The following CACNA1B variants were observed in gnomAD, a reference collection of about 807,000 sequenced individuals.
CACNA1B encodes calcium voltage-gated channel subunit alpha1 B.
Under a neutral mutation model 247.2 loss-of-function variants are expected in CACNA1B, and 70 were observed. That is an observed-to-expected ratio of 0.28 (90% CI 0.23 to 0.35). The LOEUF (loss-of-function observed/expected upper bound fraction) is 0.35. CACNA1B is among the 10% of genes least tolerant of loss of function. The pLI is 1.00. For synonymous variants in CACNA1B, 1,231 were observed against 1,294.4 expected, an observed-to-expected ratio of 0.95 and a Z score of 1.05; for missense variants, 2,367 against 3,197.4, an observed-to-expected ratio of 0.74 and a Z score of 6.26.
At chr9:138,117,485 G>T (rs146388883) in intron 42 of CACNA1B, among the ~76,000 whole-genome samples, 2,099 of 152,286 alleles carry the variant, frequency 0.014, 56 homozygotes, top group African/African-American at 0.048. Context: ...GCTGGCATAG[G>T]CAGGACTTCT....
At chr9:137,934,486 G>T (rs1299447813) in intron 6 of CACNA1B, among the ~76,000 whole-genome samples, 1 of 152,200 alleles carries the variant, frequency 6.6e-6, no homozygotes, top group African/African-American at 2.4e-5. Flanking sequence ...GGATTGTATC[G>T]TGAACTTTTG....
chr9:137,940,569 GA>G (rs1957722274), intron 6 of CACNA1B, among the ~76,000 whole-genome samples: 1 of 152,174 alleles, frequency 6.6e-6, no homozygotes, highest in African/African-American at 2.4e-5. Context: ...ATCGTTTTAT[GA>G]AGCCAGTATC....
intron 3 of CACNA1B, among the ~76,000 whole-genome samples, chr9:137,908,699 T>C (rs917892051): frequency 1.3e-5 from 2 of 151,514 alleles, no homozygotes; most frequent in Non-Finnish European, 2.9e-5. Context: ...GGTGCGATCT[T>C]GGCTCACTGC....
In CACNA1B at chr9:138,107,880, G is replaced by A. The variant is rs936388232; in HGVS notation, c.5428+2073G>A. Among the ~76,000 whole-genome samples the A allele has an allele frequency of 2.6e-5, 4 of 152,152 alleles. No individual in the cohort carries two copies. In the South Asian group the frequency reaches 8.3e-4, roughly 32 times the overall value. On this transcript the variant is annotated intron_variant, in intron 39 of 46. Coordinates refer to ENST00000371372, the MANE Select transcript of CACNA1B (RefSeq NM_000718.4). Reference sequence around the variant, plus strand: ...GGCGCCTGTAGTCCCAGCTACTCGGGAGGCTGAGGCAGGAGAATGGCGTGA... The same window carrying A: ...GGCGCCTGTAGTCCCAGCTACTCGGAAGGCTGAGGCAGGAGAATGGCGTGA...
intron 3 of CACNA1B, among the ~76,000 whole-genome samples, chr9:137,893,212 G>GA (rs968557122): frequency 3.1e-4 from 44 of 142,678 alleles, no homozygotes; most frequent in Admixed American, 6.3e-4. Flanking sequence ...AAAGGTAAAA[G>GA]AAAAAATAAA....
rs185078939 is a variant in CACNA1B at position 137,965,562 on chromosome 9, G to A, written c.1334-5821G>A. ...CTGAGCATGGTGGTGCATGCCTGTA[G>A]TCCTACTTCATTTTATTTATTTATT... On this transcript the variant is annotated intron_variant, in intron 10 of 46. Transcript: ENST00000371372. Among the ~76,000 whole-genome samples, 253 of 151,084 alleles carry A rather than the reference G, an allele frequency of 1.7e-3. 1 individual carries two copies. Among genetic ancestry groups the A allele is most frequent in the Non-Finnish European group, 1.5e-3 (104 of 67,812 alleles).
chr9:137,909,571 T>C (rs1957337881), intron 3 of CACNA1B, among the ~76,000 whole-genome samples: 1 of 152,114 alleles, frequency 6.6e-6, no homozygotes, highest in African/African-American at 2.4e-5. Flanking sequence ...GTTATTCATG[T>C]GCATGCCCCA....
chr9:138,013,083 C>G (rs1958745268), intron 17 of CACNA1B, 46 bp from the exon 18 acceptor site: 2 of 1,397,336 alleles, frequency 1.4e-6, no homozygotes, highest in Non-Finnish European at 2.0e-6. Context: ...GTTAGAGTGG[C>G]TATAACACTG....
rs1589129555 is a variant in CACNA1B at position 138,102,798 on chromosome 9, T to G, written c.5310T>G (p.Val1770=). 1 of 1,609,684 alleles carries G rather than the reference T, an allele frequency of 6.2e-7. No individual in the cohort carries two copies. Among genetic ancestry groups the G allele is most frequent in the African/African-American group, 1.3e-5 (1 of 74,798 alleles). Residue 1770 remains valine, a synonymous_variant, in exon 38 of 47, where the codon GTT becomes GTG. Transcript: ENST00000371372. This position sits in a 1 kb window ranked among gnomAD's most constrained non-coding sequence, Gnocchi z 5.4. ...TGGGGAAGAAATGCCCTGCTCGAGTTGCTTACAAGGTAGACCCTGACCCTG... is the reference window on the plus strand; with the variant it reads ...TGGGGAAGAAATGCCCTGCTCGAGTGGCTTACAAGGTAGACCCTGACCCTG... ...LGLGKKCPAR[V]AYKRLVRMNM...
intron 39 of CACNA1B, among the ~76,000 whole-genome samples, chr9:138,111,054 T>G (rs1196029722): frequency 6.6e-6 from 1 of 151,886 alleles, no homozygotes; most frequent in Non-Finnish European, 1.5e-5. Context: ...ATGACAATAC[T>G]TAGTGCTGAG....
rs1958588578 is a variant in CACNA1B at position 138,002,428 on chromosome 9, G to T, written c.1975-4339G>T. Among the ~76,000 whole-genome samples, 3 of 152,012 alleles carry T rather than the reference G, an allele frequency of 2.0e-5. No homozygotes were observed. The South Asian group carries it at 6.2e-4, about 32-fold the overall frequency. ...TTAAAGATGATTTAAAGAGTAAGAG[G>T]CCAGGCATGGTGGCTCATGCCTATA... is the stretch of plus-strand genomic sequence containing the variant. On this transcript the variant is annotated intron_variant, in intron 15 of 46. Transcript: ENST00000371372.
In CACNA1B at chr9:138,058,108, G is replaced by A. The variant is rs184841813; in HGVS notation, c.4166G>A (p.Arg1389His). The A allele has an allele frequency of 5.3e-4, 851 of 1,613,754 alleles. 1 individual carries two copies. Among genetic ancestry groups the A allele is most frequent in the Admixed American group, 7.0e-4 (42 of 60,034 alleles). The change falls in exon 28 of 47, where the codon CGC becomes CAC. Residue 1389 changes from arginine (R) to histidine (H), a missense_variant. Around this residue, in one of 12 missense-constraint regions of CACNA1B, gnomAD observed 436 missense variants for 679.5 expected, o/e 0.64. Transcript: ENST00000371372. This position sits in a 1 kb window ranked among gnomAD's most constrained non-coding sequence, Gnocchi z 4.7. ...YEEQGPSPGY[R>H]MELSIFYVVY... ...GAGCAGGGTCCAAGCCCTGGGTACC[G>A]CATGGAGCTGTCCATCTTCTACGTG...
At chr9:138,000,086 C>T (rs567807635) in intron 15 of CACNA1B, among the ~76,000 whole-genome samples, 24 of 147,076 alleles carry the variant, frequency 1.6e-4, no homozygotes, top group African/African-American at 3.2e-4. Context: ...GATTGGAAAG[C>T]GTAGATGAAA....
chr9:137,880,153 A>G lies in CACNA1B; in HGVS notation c.390+994A>G, dbSNP rs938382365. 1.3e-5 allele frequency among the ~76,000 whole-genome samples: 2 copies of G among 152,216 alleles called. No individual in the cohort carries two copies. The highest frequency in any genetic ancestry group is 4.1e-4 in the South Asian group (2 of 4,832). On this transcript the variant is annotated intron_variant, in intron 2 of 46. Transcript: ENST00000371372. The surrounding 1 kb of genome is among the most constrained non-coding windows in gnomAD (Gnocchi z 4.8). ...ACTGAACTCCCTTTGAACCTGGGCC[A>G]CCGCAGGCCCAGGAGTGCAGAAGGG... is the stretch of plus-strand genomic sequence containing the variant.
intron 32 of CACNA1B, among the ~76,000 whole-genome samples, chr9:138,070,674 A>T (rs930210781): frequency 1.3e-5 from 2 of 152,238 alleles, no homozygotes; most frequent in African/African-American, 4.8e-5. Flanking sequence ...AATGCTGCAG[A>T]AACACCCAGG....
chr9:137,952,404 G>T lies in CACNA1B; in HGVS notation c.1070+27G>T. On this transcript the variant is annotated intron_variant, in intron 7 of 46. Coordinates refer to ENST00000371372, the MANE Select transcript of CACNA1B (RefSeq NM_000718.4). This position sits in a 1 kb window ranked among gnomAD's most constrained non-coding sequence, Gnocchi z 4.8. The stretch of plus-strand genomic sequence containing the variant: ...TGAGAGACCATGTGGGGGATGTGCA[G>T]GTGCCCCTCTGTGTTCTCAGCTGAG... The T allele has an allele frequency of 6.3e-7, 1 of 1,577,242 alleles. No homozygotes were observed. Among genetic ancestry groups the T allele is most frequent in the Non-Finnish European group, 8.7e-7 (1 of 1,146,672 alleles).
chr9:137,889,780 G>T (rs1315881393), intron 3 of CACNA1B, among the ~76,000 whole-genome samples: 1 of 149,730 alleles, frequency 6.7e-6, no homozygotes, highest in Non-Finnish European at 1.5e-5. Context: ...CTGATAGGGT[G>T]GGATCCTGGC....
At chr9:137,948,663 G>C (rs979017773) in intron 6 of CACNA1B, among the ~76,000 whole-genome samples, 5 of 151,994 alleles carry the variant, frequency 3.3e-5, no homozygotes, top group Admixed American at 6.6e-5. Flanking sequence ...TTTGTGGTGT[G>C]TGTTGTGTCT....
chr9:138,112,959 AG>A (rs1315187336), intron 40 of CACNA1B, among the ~76,000 whole-genome samples: 1 of 145,332 alleles, frequency 6.9e-6, no homozygotes, highest in Non-Finnish European at 1.5e-5. Context: ...TGGAGAGGTG[AG>A]GGAGCATGGG....
Sources: allele counts gnomAD v4.1 joint callset (sites outside exome capture counted in the v4.1 genomes callset), GRCh38; gene constraint gnomAD v4.1.1; regional missense constraint gnomAD v4.1.1; non-coding constraint Gnocchi (gnomAD v3.1); transcripts MANE v1.5; gene names NCBI Gene and HGNC (gene_info 2026-07-23, HGNC 2026-07-21).